PTPRD: variants seen among roughly 807,000 people sequenced by gnomAD.
PTPRD encodes the protein receptor-type tyrosine-protein phosphatase delta.
Under a neutral mutation model 214.5 loss-of-function variants are expected in PTPRD, and 34 were observed. The ratio of observed to expected loss-of-function variants is 0.16; its 90% CI spans 0.12 to 0.21. The LOEUF is 0.21. Ranked by LOEUF, PTPRD falls within the 10% of genes least tolerant of loss-of-function variation. The pLI is 1.00. For synonymous variants in PTPRD, 1,128 were observed against 845.7 expected (o/e 1.33, Z -5.79); for missense variants, 2,545 against 2,398.7 (o/e 1.06, Z -1.27).
chr9:8,389,368 T>C lies in PTPRD; in HGVS notation c.4250A>G (p.Asp1417Gly). 6.2e-7 allele frequency: 1 copy of C among 1,611,830 alleles called. No homozygotes were observed. The highest frequency in any genetic ancestry group is 2.2e-5 in the East Asian group (1 of 44,778). Residue 1417 changes from aspartate (D) to glycine (G), a missense_variant, in exon 37 of 46, where the codon GAT (aspartate) becomes GGT (glycine). Asp to Gly is a moderately conservative substitution (Grantham distance 94). Transcript: ENST00000381196. ...ATAGGCATTTTGCTTCCTATACCCATCTATGTAGTTGGCATTCACATAGTC... is the reference window on the plus strand; with the variant it reads ...ATAGGCATTTTGCTTCCTATACCCACCTATGTAGTTGGCATTCACATAGTC... ...GSDYVNANYI[D>G]GYRKQNAYIA...
rs145251803 is a variant in PTPRD at position 9,458,760 on chromosome 9, T to G, written c.-236-61278A>C. 7.5e-3 allele frequency among the ~76,000 whole-genome samples: 1,133 copies of G among 152,052 alleles called. 10 individuals are homozygous for G. The highest frequency in any genetic ancestry group is 0.026 in the African/African-American group (1,096 of 41,498). ...ATCCTAGACCTGCCTGGGCAGCATGTAGAAGCCCCATCTGTACAAATGTAC... is the reference window on the plus strand; with the variant it reads ...ATCCTAGACCTGCCTGGGCAGCATGGAGAAGCCCCATCTGTACAAATGTAC... On this transcript the variant is annotated intron_variant, in intron 8 of 45. Transcript: ENST00000381196.
Position 10,493,164 on chromosome 9 carries a change from G to T in PTPRD, c.-600+119234C>A, listed in dbSNP as rs532892672. Among the ~76,000 whole-genome samples the T allele has an allele frequency of 1.3e-4, 20 of 151,952 alleles. 1 individual carries two copies. The South Asian group carries it at 3.9e-3, about 30-fold the overall frequency. The stretch of plus-strand genomic sequence containing the variant: ...GGAATAATCAATATCGTGAAAATGG[G>T]CATACTACCTAAAGTAATTTTTGGA... On this transcript the variant is annotated intron_variant, in intron 2 of 45. Transcript: ENST00000381196.
chr9:9,096,397 A>G (rs1322435866), intron 10 of PTPRD, among the ~76,000 whole-genome samples: 2 of 152,194 alleles, frequency 1.3e-5, no homozygotes, highest in Non-Finnish European at 2.9e-5. Context: ...ACAATTGTCA[A>G]TCTCACGAAT....
chr9:9,309,359 G>A (rs1958170127), intron 9 of PTPRD, among the ~76,000 whole-genome samples: 1 of 151,952 alleles, frequency 6.6e-6, no homozygotes. Flanking sequence ...AACAAAGAAT[G>A]TAATCTTTCA....
intron 12 of PTPRD, among the ~76,000 whole-genome samples, chr9:8,645,282 C>T (rs1393809979): frequency 2.6e-5 from 4 of 152,226 alleles, no homozygotes; most frequent in Non-Finnish European, 5.9e-5. Flanking sequence ...CGATGTCTGA[C>T]CAAGAGACAA....
At chr9:9,685,936 T>G (rs1025382744) in intron 7 of PTPRD, among the ~76,000 whole-genome samples, 12 of 151,502 alleles carry the variant, frequency 7.9e-5, no homozygotes, top group African/African-American at 2.9e-4. Flanking sequence ...AAATATTATC[T>G]CTTAATTTTA....
intron 11 of PTPRD, among the ~76,000 whole-genome samples, chr9:9,008,361 G>C (rs1429019077): frequency 1.3e-5 from 2 of 151,742 alleles, no homozygotes; most frequent in Non-Finnish European, 2.9e-5. Context: ...CCGAGTAGCT[G>C]GGACTACAGG....
At chr9:8,465,024 T>C (rs2096516817) in intron 32 of PTPRD, among the ~76,000 whole-genome samples, 1 of 151,942 alleles carries the variant, frequency 6.6e-6, no homozygotes, top group South Asian at 2.1e-4. Flanking sequence ...TTCAGAAATA[T>C]GCCATGTTGA....
intron 3 of PTPRD, among the ~76,000 whole-genome samples, chr9:10,141,971 A>G (rs1434233167): frequency 6.6e-6 from 1 of 152,200 alleles, no homozygotes; most frequent in Non-Finnish European, 1.5e-5. Context: ...ATAAGGCCGC[A>G]TATCTACAAC....
chr9:8,639,687 C>G (rs72698270), intron 12 of PTPRD, among the ~76,000 whole-genome samples: 10,546 of 152,280 alleles, frequency 0.069, 1,118 homozygotes, highest in African/African-American at 0.23. Context: ...CAATCTGCAA[C>G]TAGGCAATGG....
At chr9:8,575,854 C>G (rs1427705085) in intron 14 of PTPRD, among the ~76,000 whole-genome samples, 1 of 152,186 alleles carries the variant, frequency 6.6e-6, no homozygotes, top group African/African-American at 2.4e-5. Context: ...GTGCTAAACA[C>G]TGCACAGGGT....
At chr9:9,025,821 C>T (rs376942771) in intron 10 of PTPRD, among the ~76,000 whole-genome samples, 24 of 151,864 alleles carry the variant, frequency 1.6e-4, no homozygotes, top group Non-Finnish European at 1.9e-4. Context: ...TTCATAACTG[C>T]GTGATTAGAA....
rs779036855 is a variant in PTPRD, at chr9:9,484,723, G to A, written c.-236-87241C>T. ...GTACAAGGAAGAAACAAAATTTTAC[G>A]AGGTCATATAGGTATTACATTGCAG... is the stretch of plus-strand genomic sequence containing the variant. On this transcript the variant is annotated intron_variant, in intron 8 of 45. Transcript: ENST00000381196. Among the ~76,000 whole-genome samples, 11 of 152,136 alleles carry A rather than the reference G, an allele frequency of 7.2e-5. No homozygotes were observed. In the South Asian group the frequency reaches 8.3e-4, roughly 11 times the overall value.
At chr9:8,549,639 C>T (rs2081402948) in intron 14 of PTPRD, among the ~76,000 whole-genome samples, 1 of 151,812 alleles carries the variant, frequency 6.6e-6, no homozygotes, top group African/African-American at 2.4e-5. Flanking sequence ...TGAGGAGGGG[C>T]ATATGAGAAA....
intron 9 of PTPRD, among the ~76,000 whole-genome samples, chr9:9,275,641 T>C (rs943548277): frequency 1.2e-4 from 18 of 151,240 alleles, no homozygotes; most frequent in African/African-American, 4.4e-4. Context: ...AGACAAGGGC[T>C]GCTGCCCCCA....
At chr9:9,369,117 T>C (rs1203572545) in intron 9 of PTPRD, among the ~76,000 whole-genome samples, 1 of 152,118 alleles carries the variant, frequency 6.6e-6, no homozygotes, top group African/African-American at 2.4e-5. Context: ...CTGCATAGTA[T>C]TCCATGGTGT....
intron 19 of PTPRD, among the ~76,000 whole-genome samples, chr9:8,523,193 A>C (rs965965079): frequency 2.6e-5 from 4 of 152,164 alleles, no homozygotes; most frequent in Non-Finnish European, 5.9e-5. Context: ...AGGCATCCTT[A>C]TAAGACAGAA....
intron 3 of PTPRD, among the ~76,000 whole-genome samples, chr9:10,278,708 C>A (rs190900184): frequency 1.3e-5 from 2 of 152,180 alleles, no homozygotes; most frequent in East Asian, 3.9e-4. Flanking sequence ...TTATGCCAAT[C>A]CGTAAGTTTG....
chr9:9,437,653 C>T (rs925147637), intron 8 of PTPRD, among the ~76,000 whole-genome samples: 1 of 152,106 alleles, frequency 6.6e-6, no homozygotes, highest in African/African-American at 2.4e-5. Context: ...TCACCAACTT[C>T]TGAATCACAT....
Sources: gnomAD v4.1 joint callset for allele counts (sites outside exome capture counted in the v4.1 genomes callset) on GRCh38, gnomAD v4.1.1 for gene constraint, MANE v1.5 for transcripts, NCBI Gene and HGNC (gene_info 2026-07-23, HGNC 2026-07-21) for gene names.